Variants in CCBE1 observed in about 807,000 individuals in gnomAD.
CCBE1 encodes the protein collagen and calcium binding EGF domains 1, also known as collagen and calcium-binding EGF domain-containing protein 1.
A neutral mutation model predicts 50.0 loss-of-function variants in CCBE1; 37 were observed. The ratio of observed to expected loss-of-function variants is 0.74; its 90% CI spans 0.57 to 0.97. The LOEUF (loss-of-function observed/expected upper bound fraction) is 0.97, where lower values mean the gene tolerates loss of function less well. CCBE1 is among the 50% of genes least tolerant of loss of function. CCBE1 has a pLI of 0.00. For synonymous variants in CCBE1, 234 were observed against 203.7 expected (o/e 1.15, Z -1.27); for missense variants, 538 against 523.8 (o/e 1.03, Z -0.26).
At chr18:59,656,920 C>T (rs940233262) in intron 2 of CCBE1, among the ~76,000 whole-genome samples, 1 of 152,106 alleles carries the variant, frequency 6.6e-6, no homozygotes, top group South Asian at 2.1e-4. Flanking sequence ...CCCCAACAGG[C>T]AGAAAAAACT....
intron 2 of CCBE1, among the ~76,000 whole-genome samples, chr18:59,612,836 G>GTT (rs901746540): frequency 1.6e-5 from 1 of 62,736 alleles, no homozygotes; most frequent in African/African-American, 5.4e-5. Context: ...GTTTTTTTTT[G>GTT]TTTTTGTTTT....
intron 2 of CCBE1, among the ~76,000 whole-genome samples, chr18:59,654,455 G>A (rs116358516): frequency 0.027 from 4,146 of 151,704 alleles, 208 homozygotes; most frequent in African/African-American, 0.095. Flanking sequence ...GCAAAACCCC[G>A]TCTACTAAAA....
chr18:59,696,730 A>C, intron 1 of CCBE1, 21 bp from the exon 2 acceptor site: 2 of 1,611,672 alleles, frequency 1.2e-6, no homozygotes, highest in Non-Finnish European at 1.7e-6. Flanking sequence ...GTGCAGAGGA[A>C]ATGTTCGATT....
chr18:59,601,347 T>C (rs1004954906), intron 2 of CCBE1, among the ~76,000 whole-genome samples: 2 of 152,046 alleles, frequency 1.3e-5, no homozygotes, highest in Non-Finnish European at 2.9e-5. Context: ...GTCTTTCCCA[T>C]GCTGTTCTCA....
At chr18:59,625,671 T>C (rs1200818375) in intron 2 of CCBE1, among the ~76,000 whole-genome samples, 1 of 151,660 alleles carries the variant, frequency 6.6e-6, no homozygotes, top group East Asian at 2.0e-4. Flanking sequence ...GAGATGAGAA[T>C]CTCCCAGCCA....
At chr18:59,452,768 G>A (rs959746053) in intron 6 of CCBE1, among the ~76,000 whole-genome samples, 2 of 152,128 alleles carry the variant, frequency 1.3e-5, no homozygotes, top group Non-Finnish European at 2.9e-5. Context: ...TGGATATAAC[G>A]CTTTCTGGGC....
chr18:59,476,142 T>G (rs1255051422), intron 3 of CCBE1, among the ~76,000 whole-genome samples: 1 of 152,166 alleles, frequency 6.6e-6, no homozygotes, highest in East Asian at 1.9e-4. Context: ...TCGGTGATCC[T>G]GGGTTCTTTA....
chr18:59,520,234 G>A (rs1243385698), intron 2 of CCBE1, among the ~76,000 whole-genome samples: 5 of 152,144 alleles, frequency 3.3e-5, no homozygotes, highest in African/African-American at 1.2e-4. Flanking sequence ...GCTTGGTAGG[G>A]ATAGCATTGA....
At chr18:59,592,070 T>A (rs1033857098) in intron 2 of CCBE1, among the ~76,000 whole-genome samples, 5 of 152,012 alleles carry the variant, frequency 3.3e-5, no homozygotes, top group Non-Finnish European at 5.9e-5. Flanking sequence ...CCAACAACAT[T>A]ATATGAAGCT....
chr18:59,530,938 A>G (rs551538401), intron 2 of CCBE1, among the ~76,000 whole-genome samples: 1 of 152,288 alleles, frequency 6.6e-6, no homozygotes, highest in South Asian at 2.1e-4. Context: ...TGTTTTTTCA[A>G]ATATAATATT....
intron 2 of CCBE1, among the ~76,000 whole-genome samples, chr18:59,679,642 C>T: frequency 6.6e-6 from 1 of 151,192 alleles, no homozygotes. Context: ...AAACTTGAAT[C>T]TTTTAATGAT....
chr18:59,651,997 T>C (rs75235001), intron 2 of CCBE1, among the ~76,000 whole-genome samples: 4,455 of 152,324 alleles, frequency 0.029, 210 homozygotes, highest in African/African-American at 0.1. Flanking sequence ...ATGTTTTTAA[T>C]CTTTAACCCA....
intron 2 of CCBE1, among the ~76,000 whole-genome samples, chr18:59,526,690 G>A (rs1247703014): frequency 2.0e-5 from 3 of 152,152 alleles, no homozygotes; most frequent in Non-Finnish European, 4.4e-5. Context: ...CTGCATTCCA[G>A]AGATTCTGGT....
At chr18:59,626,865 G>T (rs910239703) in intron 2 of CCBE1, among the ~76,000 whole-genome samples, 4 of 152,252 alleles carry the variant, frequency 2.6e-5, no homozygotes, top group Non-Finnish European at 5.9e-5. Context: ...TTGAGCCCTT[G>T]ATTCCACAGC....
chr18:59,547,092 A>G (rs28415221), intron 2 of CCBE1, among the ~76,000 whole-genome samples: 1,106 of 77,744 alleles, frequency 0.014, 31 homozygotes, highest in Middle Eastern at 0.029. Context: ...AGGGAGAGAG[A>G]GGGAGGTAGG....
At chr18:59,635,998 A>C (rs2053911167) in intron 2 of CCBE1, among the ~76,000 whole-genome samples, 1 of 152,120 alleles carries the variant, frequency 6.6e-6, no homozygotes, top group African/African-American at 2.4e-5. Context: ...CTGTCTCAAC[A>C]ACAACAACAA....
intron 2 of CCBE1, among the ~76,000 whole-genome samples, chr18:59,574,306 C>A (rs1325174344): frequency 6.6e-6 from 1 of 152,212 alleles, no homozygotes; most frequent in Admixed American, 6.5e-5. Context: ...TAGTTTAGAA[C>A]TTCCAATAAT....
intron 2 of CCBE1, among the ~76,000 whole-genome samples, chr18:59,655,887 C>T (rs2054182636): frequency 6.6e-6 from 1 of 152,232 alleles, no homozygotes; most frequent in Admixed American, 6.5e-5. Context: ...AACATACCAC[C>T]ACTGGGAAAG....
intron 2 of CCBE1, among the ~76,000 whole-genome samples, chr18:59,494,652 G>A (rs1913262995): frequency 1.3e-5 from 2 of 152,170 alleles, no homozygotes; most frequent in South Asian, 2.1e-4. Context: ...GGATGAGGTT[G>A]CCATGAATGA....
Sources: gnomAD v4.1 joint callset for allele counts (sites outside exome capture counted in the v4.1 genomes callset) on GRCh38, gnomAD v4.1.1 for gene constraint, MANE v1.5 for transcripts, NCBI Gene and HGNC (gene_info 2026-07-23, HGNC 2026-07-21) for gene names.